MYT1L: variants seen among roughly 807,000 people sequenced by gnomAD.
The protein encoded by MYT1L is myelin transcription factor 1-like protein.
Under a neutral mutation model 126.7 loss-of-function variants are expected in MYT1L, and 12 were observed. The ratio of observed to expected loss-of-function variants is 0.09; its 90% CI spans 0.06 to 0.15. The LOEUF (loss-of-function observed/expected upper bound fraction) is 0.15, where lower values mean the gene tolerates loss of function less well. MYT1L is among the 10% of genes least tolerant of loss of function. MYT1L has a pLI of 1.00. For synonymous variants in MYT1L, 541 were observed against 604.2 expected, an observed-to-expected ratio of 0.90 and a Z score of 1.53; for missense variants, 979 against 1,585.2, an observed-to-expected ratio of 0.62 and a Z score of 6.49.
Position 1,923,193 on chromosome 2 carries a change from G to A in MYT1L, c.576C>T (p.Asp192=), listed in dbSNP as rs370624330. 23 of 1,613,500 alleles carry A rather than the reference G, an allele frequency of 1.4e-5. No homozygotes were observed. The highest frequency in any genetic ancestry group is 1.3e-4 in the Admixed American group (8 of 59,966). The change falls in exon 10 of 25, where the codon GAC becomes GAT. Residue 192 remains aspartate (D), a synonymous_variant. Coordinates refer to ENST00000647738, the MANE Select transcript of MYT1L (RefSeq NM_001303052.2). ...QDTEKDDNNN[D]EYDNYDELVA... ...CCAGTTCATCGTAATTGTCATATTC[G>A]TCATTATTGTTATCATCCTTTTCTG... is the stretch of plus-strand genomic sequence containing the variant.
At chr2:2,154,280 G>A (rs1261858640) in intron 3 of MYT1L, among the ~76,000 whole-genome samples, 1 of 152,112 alleles carries the variant, frequency 6.6e-6, no homozygotes, top group Non-Finnish European at 1.5e-5. Context: ...TACTTTACCT[G>A]AATGATACCT....
chr2:2,261,801 T>C (rs941939673), intron 2 of MYT1L, among the ~76,000 whole-genome samples: 1 of 152,206 alleles, frequency 6.6e-6, no homozygotes, highest in Non-Finnish European at 1.5e-5. Context: ...AGGGAATTTG[T>C]GCTTGTGATT....
chr2:2,154,965 A>G (rs1310247248), intron 3 of MYT1L, among the ~76,000 whole-genome samples: 1 of 152,144 alleles, frequency 6.6e-6, no homozygotes, highest in African/African-American at 2.4e-5. Flanking sequence ...TATCTCTACT[A>G]AAAATACAAA....
chr2:2,221,856 TACAG>T (rs2093883172), intron 2 of MYT1L, among the ~76,000 whole-genome samples: 1 of 152,232 alleles, frequency 6.6e-6, no homozygotes, highest in Non-Finnish European at 1.5e-5. Flanking sequence ...AGCAGAGATC[TACAG>T]ACAAATTATT....
chr2:1,902,234 A>C (rs901979030), intron 14 of MYT1L, among the ~76,000 whole-genome samples: 2 of 152,180 alleles, frequency 1.3e-5, no homozygotes, highest in Non-Finnish European at 2.9e-5. Flanking sequence ...ACTAGTTCAT[A>C]CTCTAGGTAG....
At chr2:1,853,677 T>G (rs2043560370) in intron 18 of MYT1L, among the ~76,000 whole-genome samples, 2 of 152,230 alleles carry the variant, frequency 1.3e-5, no homozygotes, top group South Asian at 4.1e-4. Context: ...TACTTTTTGC[T>G]TAAGAAAAGA....
At position 2,287,318 on chromosome 2, in the gene MYT1L, T is replaced by C. The variant is rs78206218; in HGVS notation, c.-520-2815A>G. 2.6e-4 allele frequency among the ~76,000 whole-genome samples: 40 copies of C among 151,834 alleles called. No homozygotes were observed. In the East Asian group the frequency reaches 7.7e-3, roughly 29 times the overall value. On this transcript the variant is annotated intron_variant, in intron 1 of 24. Coordinates refer to ENST00000647738, the MANE Select transcript of MYT1L (RefSeq NM_001303052.2). ...ATAATCCTCAAGGAGCTTACAAGAC[T>C]TTAGGTATTAAATTTTTAAGTGTTG...
At chr2:2,120,954 CTG>C (rs972129795) in intron 3 of MYT1L, among the ~76,000 whole-genome samples, 1 of 152,102 alleles carries the variant, frequency 6.6e-6, no homozygotes, top group Admixed American at 6.5e-5. Flanking sequence ...TCCAGTGAAC[CTG>C]TGTGTTAGAC....
intron 4 of MYT1L, among the ~76,000 whole-genome samples, chr2:2,000,992 G>A (rs986784376): frequency 6.6e-6 from 1 of 152,098 alleles, no homozygotes; most frequent in Admixed American, 6.6e-5. Context: ...CAGGTCTAGG[G>A]TCTTCTCTTC....
chr2:1,839,446 A>T, intron 20 of MYT1L, 76 bp from the exon 21 acceptor site: 2 of 1,323,120 alleles, frequency 1.5e-6, no homozygotes, highest in Non-Finnish European at 2.1e-6. Flanking sequence ...AAGTCAGAAT[A>T]ACCCGGCATG....
chr2:1,806,457 G>A lies in MYT1L; in HGVS notation c.3172+2619C>T, dbSNP rs1447572215. Among the ~76,000 whole-genome samples the A allele has an allele frequency of 1.3e-5, 2 of 152,220 alleles. No homozygotes were observed. Among genetic ancestry groups the A allele is most frequent in the Non-Finnish European group, 2.9e-5 (2 of 68,042 alleles). ...CAGCAGCTGGGCCCAGCGGGCGGAC[G>A]GTGGCCCTGGAATGCCCGTGTCCCG... On this transcript the variant is annotated intron_variant, in intron 22 of 24. Transcript: ENST00000647738. This position sits in a 1 kb window ranked among gnomAD's most constrained non-coding sequence, Gnocchi z 4.9.
intron 3 of MYT1L, among the ~76,000 whole-genome samples, chr2:2,172,628 A>G (rs77368936): frequency 0.039 from 5,970 of 152,196 alleles, 139 homozygotes; most frequent in Non-Finnish European, 0.062. Flanking sequence ...GGGCAGGAGT[A>G]CCTGCACTCT....
In MYT1L at chr2:1,851,706, A is replaced by G; in HGVS notation, c.2712-3T>C. ...CATCACAGCCAGGCGTGGGGCACCT[A>G]CAATAAAAAATGCAAATTGTGTTAA... is the stretch of plus-strand genomic sequence containing the variant. On this transcript the variant is annotated splice_region_variant and splice_polypyrimidine_tract_variant and intron_variant, in intron 18 of 24. Coordinates refer to ENST00000647738, the MANE Select transcript of MYT1L (RefSeq NM_001303052.2). The G allele has an allele frequency of 1.2e-6, 2 of 1,613,430 alleles. No individual in the cohort carries two copies. The highest frequency in any genetic ancestry group is 2.2e-5 in the South Asian group (2 of 91,046).
At chr2:2,250,411 G>A (rs1328730982) in intron 2 of MYT1L, among the ~76,000 whole-genome samples, 1 of 152,126 alleles carries the variant, frequency 6.6e-6, no homozygotes, top group Non-Finnish European at 1.5e-5. Context: ...GCCAGGCACA[G>A]AAAGACAAAC....
At chr2:2,093,000 C>T (rs571054907) in intron 3 of MYT1L, among the ~76,000 whole-genome samples, 1 of 152,246 alleles carries the variant, frequency 6.6e-6, no homozygotes, top group African/African-American at 2.4e-5. Flanking sequence ...CCACAAGCAT[C>T]GATTTTCAGG....
In MYT1L at chr2:1,789,138, T is replaced by C. The variant is rs962428982; in HGVS notation, c.*2729A>G. 6.6e-6 allele frequency: 1 copy of C among 152,246 alleles called. No homozygotes were observed. The highest frequency in any genetic ancestry group is 2.4e-5 in the African/African-American group (1 of 41,480). The allele number at this position is 152,246 out of a possible 1,614,324, so 9.4% of individuals were successfully genotyped here. On this transcript the variant is annotated 3_prime_UTR_variant, in exon 25 of 25. Coordinates refer to ENST00000647738, the MANE Select transcript of MYT1L (RefSeq NM_001303052.2). ...TTAGAGATCCTTCGTGCTACAAATGTGGCAACACCTTGTTTATTTAGAGTA... is the reference window on the plus strand; with the variant it reads ...TTAGAGATCCTTCGTGCTACAAATGCGGCAACACCTTGTTTATTTAGAGTA...
chr2:1,948,264 T>A (rs2057419777), intron 8 of MYT1L, among the ~76,000 whole-genome samples: 1 of 152,250 alleles, frequency 6.6e-6, no homozygotes, highest in Non-Finnish European at 1.5e-5. Context: ...TCCTGCCATT[T>A]GACATGGTTC....
intron 11 of MYT1L, among the ~76,000 whole-genome samples, chr2:1,915,753 C>T (rs540251105): frequency 1.9e-4 from 29 of 152,196 alleles, no homozygotes; most frequent in Middle Eastern, 3.4e-3. Flanking sequence ...CATCTTAGCC[C>T]GGAGCTTACT....
At chr2:1,850,038 G>GC (rs2043015876) in intron 19 of MYT1L, among the ~76,000 whole-genome samples, 1 of 150,726 alleles carries the variant, frequency 6.6e-6, no homozygotes, top group African/African-American at 2.4e-5. Context: ...TGGTGAGGGG[G>GC]GGGCCATTAT....
Sources: gnomAD v4.1 joint callset for allele counts (sites outside exome capture counted in the v4.1 genomes callset) on GRCh38, gnomAD v4.1.1 for gene constraint, Gnocchi (gnomAD v3.1) non-coding constraint, MANE v1.5 for transcripts, NCBI Gene and HGNC (gene_info 2026-07-23, HGNC 2026-07-21) for gene names.